ZDHHC15: variants seen among roughly 807,000 people sequenced by gnomAD.
The protein encoded by ZDHHC15 is palmitoyltransferase ZDHHC15.
ZDHHC15 carries 19 observed loss-of-function variants against 31.7 expected under a neutral mutation model. The observed-to-expected ratio is 0.60, with a 90% CI of 0.42 to 0.88. The LOEUF (loss-of-function observed/expected upper bound fraction) is 0.88. Ranked by LOEUF, ZDHHC15 falls within the 40% of genes least tolerant of loss-of-function variation. The probability of loss-of-function intolerance (pLI) is 0.00; values close to 1 mark genes in which losing one functional copy is unlikely to be tolerated. For missense variants in ZDHHC15, 209 were observed against 251.2 expected, an observed-to-expected ratio of 0.83 and a Z score of 1.14; for synonymous variants, 103 against 90.0, an observed-to-expected ratio of 1.14 and a Z score of -0.82.
chrX:75,373,262 T>G (rs768469504), intron 11 of ZDHHC15, among the ~76,000 whole-genome samples: 1 of 111,564 alleles, frequency 9.0e-6, no homozygotes, highest in Non-Finnish European at 1.9e-5. Flanking sequence ...AGTAAATATA[T>G]AATTTGATAC....
chrX:75,464,926 T>C (rs1022039010), intron 3 of ZDHHC15, among the ~76,000 whole-genome samples: 1 of 111,837 alleles, frequency 8.9e-6, no homozygotes, highest in Non-Finnish European at 1.9e-5. Context: ...ACCACTCCTA[T>C]TCAACATATT....
At chrX:75,486,163 C>A (rs929476795) in intron 2 of ZDHHC15, among the ~76,000 whole-genome samples, 4 of 112,602 alleles carry the variant, frequency 3.6e-5, no homozygotes, top group Non-Finnish European at 7.5e-5. Context: ...TACATCCCCA[C>A]TGGGAAACCT....
intron 10 of ZDHHC15, among the ~76,000 whole-genome samples, chrX:75,412,191 C>T (rs972456144): frequency 6.3e-5 from 7 of 111,590 alleles, no homozygotes; most frequent in African/African-American, 2.0e-4. Flanking sequence ...GAATTGATAT[C>T]GCCATTACAG....
intron 11 of ZDHHC15, among the ~76,000 whole-genome samples, chrX:75,376,460 C>T (rs968053861): frequency 2.7e-5 from 3 of 111,055 alleles, no homozygotes; most frequent in Non-Finnish European, 3.8e-5. Flanking sequence ...GGGGACTTGG[C>T]CAAAAATTCT....
At chrX:75,462,990 T>A (rs1340164097) in intron 3 of ZDHHC15, among the ~76,000 whole-genome samples, 4 of 110,739 alleles carry the variant, frequency 3.6e-5, no homozygotes, top group Admixed American at 9.6e-5. Context: ...CAGGGTTTTT[T>A]AAATTAATCA....
rs774340535 is a variant in ZDHHC15, at chrX:75,421,815, T to C, written c.863+49A>G. 6 of 1,181,124 alleles carry C rather than the reference T, an allele frequency of 5.1e-6. No homozygotes were observed. The East Asian group carries it at 1.5e-4, about 30-fold the overall frequency. On this transcript the variant is annotated intron_variant, in intron 9 of 11. Coordinates refer to ENST00000373367, the MANE Select transcript of ZDHHC15 (RefSeq NM_144969.3). The stretch of plus-strand genomic sequence containing the variant: ...TACAATCAAAATTGAATTTGCTGGT[T>C]CAAGGCAGGGTCCAGTACTAACTTC...
intron 10 of ZDHHC15, among the ~76,000 whole-genome samples, chrX:75,410,166 C>G (rs1284598381): frequency 9.0e-6 from 1 of 111,231 alleles, no homozygotes; most frequent in Non-Finnish European, 1.9e-5. Context: ...TGCTCCAGGA[C>G]AAGACGTTGA....
chrX:75,507,211 C>T (rs1031372426), intron 1 of ZDHHC15, among the ~76,000 whole-genome samples: 6 of 111,536 alleles, frequency 5.4e-5, no homozygotes, highest in Admixed American at 1.9e-4. Context: ...ATGACGATGA[C>T]AATGACTAGC....
chrX:75,476,158 C>A, intron 3 of ZDHHC15, among the ~76,000 whole-genome samples: 1 of 111,184 alleles, frequency 9.0e-6, no homozygotes, highest in South Asian at 3.7e-4. Flanking sequence ...ATCATACCTA[C>A]AAACAGAGAT....
chrX:75,439,502 T>C (rs1227018140), intron 4 of ZDHHC15, among the ~76,000 whole-genome samples: 1 of 112,087 alleles, frequency 8.9e-6, no homozygotes, highest in Admixed American at 9.5e-5. Context: ...GTGTGTTTCA[T>C]TTCCAGAAGC....
intron 10 of ZDHHC15, among the ~76,000 whole-genome samples, chrX:75,390,575 A>G (rs1208686841): frequency 7.2e-5 from 8 of 111,584 alleles, no homozygotes; most frequent in Non-Finnish European, 1.5e-4. Flanking sequence ...AATCCATGGA[A>G]TTCTTCAGGA....
At chrX:75,472,165 G>A (rs754280549) in intron 3 of ZDHHC15, among the ~76,000 whole-genome samples, 13 of 111,745 alleles carry the variant, frequency 1.2e-4, no homozygotes, top group African/African-American at 4.2e-4. Flanking sequence ...CTCCACTCCT[G>A]CCACCTTGCC....
At chrX:75,430,564 GC>G (rs1194383924) in intron 5 of ZDHHC15, among the ~76,000 whole-genome samples, 1 of 111,809 alleles carries the variant, frequency 8.9e-6, no homozygotes. Context: ...AATGTCCCAA[GC>G]AAAATAACTT....
At chrX:75,418,788 C>T (rs137932641) in intron 9 of ZDHHC15, among the ~76,000 whole-genome samples, 197 of 111,820 alleles carry the variant, frequency 1.8e-3, no homozygotes, top group African/African-American at 6.2e-3. Context: ...CTTCCTTACA[C>T]GTTATACAAA....
chrX:75,369,135 C>A lies in ZDHHC15; in HGVS notation c.*3843G>T, dbSNP rs2082983316. 8.9e-6 allele frequency: 1 copy of A among 112,142 alleles called. No homozygotes were observed. The highest frequency in any genetic ancestry group is 3.2e-5 in the African/African-American group (1 of 30,858). The allele number at this position is 112,142 out of a possible 1,213,427, so 9.2% of individuals were successfully genotyped here. A position where few individuals can be genotyped will look rare whatever the true frequency, so the allele number is the denominator to read the frequency against. ...CCCCCTGTGCTTCTCCATAGAACGT[C>A]TTCTGTACCGAATCTCTTAGCTACT... On this transcript the variant is annotated 3_prime_UTR_variant, in exon 12 of 12. Coordinates refer to ENST00000373367, the MANE Select transcript of ZDHHC15 (RefSeq NM_144969.3).
At chrX:75,501,216 GT>G (rs1453195643) in intron 2 of ZDHHC15, among the ~76,000 whole-genome samples, 1 of 110,919 alleles carries the variant, frequency 9.0e-6, no homozygotes, top group South Asian at 3.8e-4. Context: ...GTGAGAACAT[GT>G]GGTATTTTCT....
intron 2 of ZDHHC15, among the ~76,000 whole-genome samples, chrX:75,483,926 G>A (rs1569354427): frequency 9.0e-6 from 1 of 110,721 alleles, no homozygotes; most frequent in African/African-American, 3.3e-5. Context: ...GAAGTGGAAG[G>A]GATTCTACCA....
At chrX:75,500,282 T>C (rs917653653) in intron 2 of ZDHHC15, among the ~76,000 whole-genome samples, 1 of 109,158 alleles carries the variant, frequency 9.2e-6, no homozygotes, top group Non-Finnish European at 1.9e-5. Flanking sequence ...ATAATAATAA[T>C]AATAATAAAT....
At chrX:75,434,129 T>C (rs994690868) in intron 4 of ZDHHC15, among the ~76,000 whole-genome samples, 18 of 112,149 alleles carry the variant, frequency 1.6e-4, no homozygotes, top group Non-Finnish European at 2.3e-4. Flanking sequence ...GTTGGCCATT[T>C]GTATATCTTC....
Sources: gnomAD v4.1 joint callset for allele counts (sites outside exome capture counted in the v4.1 genomes callset) on GRCh38, gnomAD v4.1.1 for gene constraint, MANE v1.5 for transcripts, NCBI Gene and HGNC (gene_info 2026-07-23, HGNC 2026-07-21) for gene names.